NFATC3: variants seen among roughly 807,000 people sequenced by gnomAD.
NFATC3 encodes the protein nuclear factor of activated T-cells, cytoplasmic 3.
NFATC3 carries 46 observed loss-of-function variants against 98.6 expected under a neutral mutation model. The ratio of observed to expected loss-of-function variants is 0.47; its 90% confidence interval spans 0.37 to 0.60. The LOEUF is 0.60. NFATC3 is among the 20% of genes least tolerant of loss of function. The pLI is 0.00. For missense variants in NFATC3, 1,256 were observed against 1,295.5 expected (o/e 0.97, Z 0.47); for synonymous variants, 512 against 472.2 (o/e 1.08, Z -1.09).
intron 6 of NFATC3, among the ~76,000 whole-genome samples, chr16:68,176,464 T>C (rs1483998026): frequency 6.6e-6 from 1 of 152,310 alleles, no homozygotes; most frequent in East Asian, 1.9e-4. Flanking sequence ...TGAAGACCTT[T>C]CACTACTATA....
chr16:68,192,233 ATATATATATATATATATATATGTATGTG>A (rs1567543012), intron 9 of NFATC3: 6 of 92,178 alleles, frequency 6.5e-5, no homozygotes, highest in Non-Finnish European at 1.3e-4. Flanking sequence ...AAAAAAAAAT[ATATATATATATATATATATATGTATGTG>A]TATATATATA....
intron 5 of NFATC3, among the ~76,000 whole-genome samples, chr16:68,171,488 T>C (rs900264087): frequency 2.6e-5 from 4 of 151,732 alleles, no homozygotes; most frequent in Admixed American, 2.6e-4. Context: ...TTTTTTTTTT[T>C]CTTGAGACAG....
chr16:68,211,032 T>G (rs1395956556), intron 9 of NFATC3, among the ~76,000 whole-genome samples: 1 of 152,104 alleles, frequency 6.6e-6, no homozygotes, highest in East Asian at 1.9e-4. Flanking sequence ...TCCACCCACC[T>G]TAGCCTCCCA....
chr16:68,141,658 ATTAT>A (rs752876410), intron 3 of NFATC3, among the ~76,000 whole-genome samples: 8 of 151,144 alleles, frequency 5.3e-5, no homozygotes, highest in Non-Finnish European at 1.0e-4. Flanking sequence ...TTTTGATGGG[ATTAT>A]TTGTTTTTTT....
At position 68,227,781 on chromosome 16, in the gene NFATC3, A is replaced by G. The variant is rs1462137939; in HGVS notation, c.*1310A>G. On this transcript the variant is annotated 3_prime_UTR_variant, in exon 10 of 10. Transcript: ENST00000346183. Reference sequence around the variant, plus strand: ...CAGCCTGCTGTCTACCAAAGGAGGTACCCGAGTTGGGTACTTTAAAAAAAA... The same window carrying G: ...CAGCCTGCTGTCTACCAAAGGAGGTGCCCGAGTTGGGTACTTTAAAAAAAA... 3 of 150,564 alleles carry G rather than the reference A, an allele frequency of 2.0e-5. No homozygotes were observed. The highest frequency in any genetic ancestry group is 4.9e-5 in the African/African-American group (2 of 40,772). 9.3% of individuals were successfully genotyped at this position (150,564 alleles called of 1,614,324 possible).
At chr16:68,216,180 A>G (rs1373858247) in intron 9 of NFATC3, among the ~76,000 whole-genome samples, 1 of 152,180 alleles carries the variant, frequency 6.6e-6, no homozygotes, top group Non-Finnish European at 1.5e-5. Flanking sequence ...TCTGGAGCTC[A>G]GGTTTGGCCC....
At chr16:68,177,113 T>A (rs1469672193) in intron 6 of NFATC3, among the ~76,000 whole-genome samples, 1 of 151,496 alleles carries the variant, frequency 6.6e-6, no homozygotes, top group Non-Finnish European at 1.5e-5. Context: ...CGTGGTGTGG[T>A]CTTGGCTCAC....
At chr16:68,216,048 C>A (rs1378484625) in intron 9 of NFATC3, among the ~76,000 whole-genome samples, 1 of 151,980 alleles carries the variant, frequency 6.6e-6, no homozygotes, top group East Asian at 1.9e-4. Flanking sequence ...ATATTAAGTG[C>A]TGATGAGAAG....
intron 4 of NFATC3, among the ~76,000 whole-genome samples, chr16:68,158,924 C>G (rs577014506): frequency 3.0e-4 from 45 of 152,318 alleles, no homozygotes; most frequent in African/African-American, 1.1e-3. Context: ...TACCAGAACA[C>G]ATTGTCACCT....
chr16:68,169,409 C>T (rs529108526), intron 5 of NFATC3, among the ~76,000 whole-genome samples: 3 of 152,244 alleles, frequency 2.0e-5, no homozygotes, highest in African/African-American at 4.8e-5. Flanking sequence ...GCTGGGACTA[C>T]AGGCACAAGC....
At position 68,226,536 on chromosome 16, in the gene NFATC3, G is replaced by T; in HGVS notation, c.*65G>T. 2 of 1,434,784 alleles carry T rather than the reference G, an allele frequency of 1.4e-6. No individual in the cohort carries two copies. Among genetic ancestry groups the T allele is most frequent in the Non-Finnish European group, 1.8e-6 (2 of 1,095,408 alleles). 88.9% of individuals were successfully genotyped at this position (1,434,784 alleles called of 1,614,324 possible). A position where few individuals can be genotyped will look rare whatever the true frequency, so the allele number is the denominator to read the frequency against. On this transcript the variant is annotated 3_prime_UTR_variant, in exon 10 of 10. Transcript: ENST00000346183. Reference sequence around the variant, plus strand: ...AGCATGTTTCTCTCCTTGGACCTTGGGTTTCCAACTCTGCAGCCTTCAGGT... The same window carrying T: ...AGCATGTTTCTCTCCTTGGACCTTGTGTTTCCAACTCTGCAGCCTTCAGGT...
chr16:68,103,000 A>G (rs985899267), intron 1 of NFATC3, among the ~76,000 whole-genome samples: 11 of 152,032 alleles, frequency 7.2e-5, no homozygotes, highest in Middle Eastern at 3.4e-3. Context: ...TCATTTGTAT[A>G]TCTTCTTTGG....
chr16:68,210,776 G>GT (rs961061608), intron 9 of NFATC3, among the ~76,000 whole-genome samples: 6 of 152,050 alleles, frequency 3.9e-5, no homozygotes, highest in South Asian at 2.1e-4. Context: ...ATATTCTGTA[G>GT]TTTTTTTGTT....
rs1598474647 is a variant in NFATC3 at position 68,162,075 on chromosome 16, A to G, written c.1601+4007A>G. Among the ~76,000 whole-genome samples, 6 of 152,222 alleles carry G rather than the reference A, an allele frequency of 3.9e-5. No homozygotes were observed. The South Asian group carries it at 1.0e-3, about 26-fold the overall frequency. On this transcript the variant is annotated intron_variant, in intron 4 of 9. Transcript: ENST00000346183. ...GAAATACCACTATGACTAGTAACAT[A>G]CAGGTAGTCCTCCTCCTGCAACCCT...
chr16:68,112,118 T>G (rs1184662076), intron 1 of NFATC3, among the ~76,000 whole-genome samples: 2 of 152,062 alleles, frequency 1.3e-5, no homozygotes, highest in Admixed American at 6.6e-5. Context: ...TCATGGAGTA[T>G]CTTACTGGGT....
intron 9 of NFATC3, chr16:68,200,335 A>G (rs1303677165): frequency 6.6e-6 from 1 of 151,954 alleles, no homozygotes; most frequent in Non-Finnish European, 1.5e-5. Context: ...GGATTTTCTT[A>G]GCTGTGATAT....
In NFATC3 at chr16:68,122,934, C is replaced by A. The variant is rs751277406; in HGVS notation, c.1051C>A (p.Leu351Ile). The stretch of plus-strand genomic sequence containing the variant: ...AACTTCTGAAGATCAAGCTGCCATA[C>A]TACCAGGAAAATTAGAGCTGTGTTC... ...RKTSEDQAAILPGKLELCSDD... is the reference protein window; with the variant it reads ...RKTSEDQAAIIPGKLELCSDD... The change falls in exon 2 of 10, where the codon CTA (leucine) becomes ATA (isoleucine). Residue 351 changes from leucine to isoleucine, a missense_variant. Physicochemically the swap from Leu to Ile is conservative, Grantham distance 5 (BLOSUM62 2). Around this residue, in one of 3 missense-constraint regions of NFATC3, gnomAD observed 464 missense variants for 465.7 expected, o/e 1.00. Transcript: ENST00000346183. 1 of 1,614,194 alleles carries A rather than the reference C, an allele frequency of 6.2e-7. No individual in the cohort carries two copies. Among genetic ancestry groups the A allele is most frequent in the African/African-American group, 1.3e-5 (1 of 75,058 alleles).
At chr16:68,210,079 C>T (rs960382167) in intron 9 of NFATC3, among the ~76,000 whole-genome samples, 12 of 152,130 alleles carry the variant, frequency 7.9e-5, no homozygotes, top group African/African-American at 2.6e-4. Context: ...GGGCGGATCA[C>T]GAGGTCGGGA....
intron 1 of NFATC3, among the ~76,000 whole-genome samples, chr16:68,087,715 C>T (rs557361427): frequency 6.6e-6 from 1 of 152,198 alleles, no homozygotes; most frequent in Non-Finnish European, 1.5e-5. Context: ...TTTTTCCTTC[C>T]CTCCTCCCAA....
Sources: gnomAD v4.1 joint callset for allele counts (sites outside exome capture counted in the v4.1 genomes callset) on GRCh38, gnomAD v4.1.1 for gene constraint, gnomAD v4.1.1 regional missense constraint, MANE v1.5 for transcripts, NCBI Gene and HGNC (gene_info 2026-07-23, HGNC 2026-07-21) for gene names.